Variants in OPA3 observed in about 807,000 individuals in gnomAD.
OPA3 encodes outer mitochondrial membrane lipid metabolism regulator OPA3, also known as optic atrophy 3 protein.
OPA3 carries 6 observed loss-of-function variants against 4.0 expected under a neutral mutation model. That is an observed-to-expected ratio of 1.51 (90% CI 0.83 to 2.99). OPA3 has a LOEUF of 2.99. Among genes scored for constraint, OPA3 ranks in the 30% most tolerant of loss-of-function variants. The pLI, the probability that OPA3 is intolerant of heterozygous loss-of-function variation, is 0.00. For synonymous variants in OPA3, 105 were observed against 117.1 expected (o/e 0.90, Z 0.67); for missense variants, 235 against 256.2 (o/e 0.92, Z 0.56).
rs1027015153 is a variant in OPA3 at position 45,551,755 on chromosome 19, G to T, written c.*1759C>A. On this transcript the variant is annotated 3_prime_UTR_variant, in exon 2 of 2. Coordinates refer to ENST00000263275, the MANE Select transcript of OPA3 (RefSeq NM_025136.4). ...GATGGGGGTGGGACCGGGGGCTATG[G>T]AGGCAGGAGGGTACTGCTACATGAA... The T allele has an allele frequency of 1.8e-4, 182 of 985,460 alleles. No individual in the cohort carries two copies. The highest frequency in any genetic ancestry group is 2.1e-4 in the Non-Finnish European group (178 of 830,042). 61.0% of individuals were successfully genotyped at this position (985,460 alleles called of 1,614,324 possible). A position where few individuals can be genotyped will look rare whatever the true frequency, so the allele number is the denominator to read the frequency against.
intron 1 of OPA3, among the ~76,000 whole-genome samples, chr19:45,536,483 G>A (rs1432008939): frequency 1.3e-5 from 2 of 151,556 alleles, no homozygotes; most frequent in Non-Finnish European, 2.9e-5. Flanking sequence ...TGGAGGCAGA[G>A]GTTGCAGTAA....
rs369198028 is a variant in OPA3, at chr19:45,546,899, C to T, written c.*6615G>A. 3 of 152,304 alleles carry T rather than the reference C, an allele frequency of 2.0e-5. No individual in the cohort carries two copies. In the East Asian group the frequency reaches 5.8e-4, roughly 29 times the overall value. 9.4% of individuals were successfully genotyped at this position (152,304 alleles called of 1,614,324 possible). ...GGGCAGGCTGGTCTCGAACTCCTGA[C>T]TTCAAGTGATCCTCCCACCTTGGTC... On this transcript the variant is annotated 3_prime_UTR_variant, in exon 2 of 2. Transcript: ENST00000263275.
At position 45,552,084 on chromosome 19, in the gene OPA3, G is replaced by A. The variant is rs1430575647; in HGVS notation, c.*1430C>T. On this transcript the variant is annotated 3_prime_UTR_variant, in exon 2 of 2. Transcript: ENST00000263275. ...GGGGTTGGAGGACATTCACAGAAAAGATCCTGTAGTGCCATTCCAGTGGGT... is the reference window on the plus strand; with the variant it reads ...GGGGTTGGAGGACATTCACAGAAAAAATCCTGTAGTGCCATTCCAGTGGGT... 1.0e-6 allele frequency: 1 copy of A among 985,376 alleles called. No homozygotes were observed. Among genetic ancestry groups the A allele is most frequent in the Non-Finnish European group, 1.2e-6 (1 of 830,028 alleles). 61.0% of individuals were successfully genotyped at this position (985,376 alleles called of 1,614,324 possible). A position where few individuals can be genotyped will look rare whatever the true frequency, so the allele number is the denominator to read the frequency against.
Position 45,553,264 on chromosome 19 carries a change from T to C in OPA3, c.*250A>G. 1 of 1,421,710 alleles carries C rather than the reference T, an allele frequency of 7.0e-7. No individual in the cohort carries two copies. Among genetic ancestry groups the C allele is most frequent in the Non-Finnish European group, 9.2e-7 (1 of 1,090,964 alleles). 88.1% of individuals were successfully genotyped at this position (1,421,710 alleles called of 1,614,324 possible). Reference sequence around the variant, plus strand: ...CCACGGTGTCCTGCTGGCTGGGACCTTGCAGGTCGTCCTGGTTTGGAGTGG... The same window carrying C: ...CCACGGTGTCCTGCTGGCTGGGACCCTGCAGGTCGTCCTGGTTTGGAGTGG... On this transcript the variant is annotated 3_prime_UTR_variant, in exon 2 of 2. Coordinates refer to ENST00000263275, the MANE Select transcript of OPA3 (RefSeq NM_025136.4).
At chr19:45,583,665 C>CTAATT (rs1969888907) in intron 1 of OPA3, among the ~76,000 whole-genome samples, 1 of 152,024 alleles carries the variant, frequency 6.6e-6, no homozygotes, top group Admixed American at 6.6e-5. Flanking sequence ...CCACACCCAG[C>CTAATT]TAATTTTTGT....
At chr19:45,559,681 G>A (rs541792180) in intron 1 of OPA3, among the ~76,000 whole-genome samples, 1 of 152,108 alleles carries the variant, frequency 6.6e-6, no homozygotes, top group African/African-American at 2.4e-5. Flanking sequence ...GGGATTACAG[G>A]TGTGAGCCAC....
In OPA3 at chr19:45,547,731, C is replaced by T. The variant is rs550679720; in HGVS notation, c.*5783G>A. 3.3e-5 allele frequency: 5 copies of T among 152,232 alleles called. No homozygotes were observed. The highest frequency in any genetic ancestry group is 3.3e-4 in the Admixed American group (5 of 15,238). 9.4% of individuals were successfully genotyped at this position (152,232 alleles called of 1,614,324 possible). ...TTTTTTTTTGAGATGGAGTCTCGTT[C>T]TTGTTGCCCAGGCTGGAGTGCAATG... On this transcript the variant is annotated 3_prime_UTR_variant, in exon 2 of 2. Transcript: ENST00000263275.
chr19:45,554,187 T>C (rs1275598672), intron 1 of OPA3, among the ~76,000 whole-genome samples: 2 of 152,180 alleles, frequency 1.3e-5, no homozygotes, highest in East Asian at 3.9e-4. Flanking sequence ...GTTCCCTGTG[T>C]TCCTCCCTTA....
intron 1 of OPA3, among the ~76,000 whole-genome samples, chr19:45,582,092 C>G (rs1370428953): frequency 6.6e-6 from 1 of 152,002 alleles, no homozygotes; most frequent in Non-Finnish European, 1.5e-5. Flanking sequence ...CCACCGCGCC[C>G]CAGCCAGGAG....
At chr19:45,544,853 C>T (rs1480593904), downstream of OPA3, among the ~76,000 whole-genome samples, 1 of 150,320 alleles carries the variant, frequency 6.7e-6, no homozygotes, top group Admixed American at 6.7e-5. Flanking sequence ...CATGGTGGCC[C>T]ATGCCTGTAA....
chr19:45,559,393 CTTTCTTTTTTT>C (rs1288092129), intron 1 of OPA3, among the ~76,000 whole-genome samples: 1 of 97,824 alleles, frequency 1.0e-5, no homozygotes, highest in Non-Finnish European at 1.8e-5. Context: ...CCCTCTTTTT[CTTTCTTTTTTT>C]TTTTTTTTTT....
At chr19:45,541,753 C>T (rs942409471), downstream of OPA3, among the ~76,000 whole-genome samples, 7 of 152,010 alleles carry the variant, frequency 4.6e-5, no homozygotes, top group Non-Finnish European at 1.0e-4. Flanking sequence ...TTTATAGAAA[C>T]AGGGTCTCAC....
chr19:45,550,944 C>T lies in OPA3; in HGVS notation c.*2570G>A, dbSNP rs1480571648. The T allele has an allele frequency of 2.0e-5, 20 of 985,514 alleles. No individual in the cohort carries two copies. The highest frequency in any genetic ancestry group is 7.0e-5 in the African/African-American group (4 of 57,160). The allele number at this position is 985,514 out of a possible 1,614,324, so 61.0% of individuals were successfully genotyped here. A position where few individuals can be genotyped will look rare whatever the true frequency, so the allele number is the denominator to read the frequency against. On this transcript the variant is annotated 3_prime_UTR_variant, in exon 2 of 2. Transcript: ENST00000263275. ...GCTAGCAGGAAGGCCAAATGGCCCG[C>T]GGGGTTGGCAGGAGTCCCAGGGTAC...
intron 1 of OPA3, among the ~76,000 whole-genome samples, chr19:45,581,758 A>C (rs973839424): frequency 1.3e-5 from 2 of 152,194 alleles, no homozygotes; most frequent in Admixed American, 6.5e-5. Flanking sequence ...ACTGCAAGAC[A>C]AAGAGTAATT....
chr19:45,553,624 G>C lies in OPA3; in HGVS notation c.430C>G (p.Pro144Ala). ...EALQAQVQAA[P>A]PQGALEELRT... ...AGTTCCTCCAGGGCGCCCTGTGGCG[G>C]CGCCGCCTGCACCTGCGCCTGCAGC... The change falls in exon 2 of 2, where the codon CCG becomes GCG. Residue 144 changes from proline to alanine, a missense_variant. Pro to Ala is a conservative substitution (Grantham distance 27). Coordinates refer to ENST00000263275, the MANE Select transcript of OPA3 (RefSeq NM_025136.4). 6.2e-7 allele frequency: 1 copy of C among 1,607,126 alleles called. No individual in the cohort carries two copies.
At chr19:45,583,465 A>G (rs1969885828) in intron 1 of OPA3, among the ~76,000 whole-genome samples, 1 of 144,696 alleles carries the variant, frequency 6.9e-6, no homozygotes, top group African/African-American at 2.6e-5. Context: ...TCACCTTTTT[A>G]AAGTAGTTTA....
intron 1 of OPA3, among the ~76,000 whole-genome samples, chr19:45,540,289 C>T (rs1021202781): frequency 2.6e-5 from 4 of 151,408 alleles, no homozygotes; most frequent in South Asian, 2.1e-4. Context: ...TGTGCTCCAG[C>T]CTGGGTGCCA....
chr19:45,550,892 A>G lies in OPA3; in HGVS notation c.*2622T>C. ...TCCTGGAAGAGAAACCCAGTAGAAA[A>G]GGGTGGTTCCTAGACTGTTCCTCTC... On this transcript the variant is annotated 3_prime_UTR_variant, in exon 2 of 2. Transcript: ENST00000263275. 1 of 985,888 alleles carries G rather than the reference A, an allele frequency of 1.0e-6. No homozygotes were observed. The highest frequency in any genetic ancestry group is 4.7e-5 in the South Asian group (1 of 21,286). 61.1% of individuals were successfully genotyped at this position (985,888 alleles called of 1,614,324 possible). A position where few individuals can be genotyped will look rare whatever the true frequency, so the allele number is the denominator to read the frequency against.
chr19:45,575,063 G>T (rs1969747152), intron 1 of OPA3, among the ~76,000 whole-genome samples: 1 of 152,124 alleles, frequency 6.6e-6, no homozygotes, highest in Non-Finnish European at 1.5e-5. Context: ...GCCCAGGCAA[G>T]CCACAAAGGT....
Sources: allele counts gnomAD v4.1 joint callset (sites outside exome capture counted in the v4.1 genomes callset), GRCh38; gene constraint gnomAD v4.1.1; transcripts MANE v1.5; gene names NCBI Gene and HGNC (gene_info 2026-07-23, HGNC 2026-07-21).